The following ATG7 variants were observed in gnomAD, a reference collection of about 807,000 sequenced individuals.
The protein encoded by ATG7 is ubiquitin-like modifier-activating enzyme ATG7.
A neutral mutation model predicts 82.4 loss-of-function variants in ATG7; 70 were observed. The ratio of observed to expected loss-of-function variants is 0.85; its 90% CI spans 0.70 to 1.04. The LOEUF is 1.04. Ranked by LOEUF, ATG7 falls within the 50% of genes least tolerant of loss-of-function variation. The probability of loss-of-function intolerance (pLI) is 0.00; values close to 1 mark genes in which losing one functional copy is unlikely to be tolerated. For synonymous variants in ATG7, 287 were observed against 313.0 expected, an observed-to-expected ratio of 0.92 and a Z score of 0.88; for missense variants, 792 against 864.3, an observed-to-expected ratio of 0.92 and a Z score of 1.05.
At chr3:11,471,415 T>C (rs968930219) in intron 20 of ATG7, among the ~76,000 whole-genome samples, 1 of 152,218 alleles carries the variant, frequency 6.6e-6, no homozygotes, top group Admixed American at 6.5e-5. Context: ...AAAAAATATA[T>C]GACTTGGTCA....
intron 20 of ATG7, among the ~76,000 whole-genome samples, chr3:11,511,991 C>T (rs2092088539): frequency 6.6e-6 from 1 of 152,310 alleles, no homozygotes; most frequent in South Asian, 2.1e-4. Flanking sequence ...CCACACCTCC[C>T]TGCAAGCTGA....
intron 9 of ATG7, 146 bp from the exon 10 acceptor site, chr3:11,331,194 T>C (rs1951592378): frequency 1.5e-6 from 1 of 682,624 alleles, no homozygotes; most frequent in Non-Finnish European, 2.6e-6. Context: ...TGTGGCTTTC[T>C]TCTCCTCCCC....
At chr3:11,431,012 TGAG>T (rs2152951724) in intron 20 of ATG7, among the ~76,000 whole-genome samples, 1 of 152,354 alleles carries the variant, frequency 6.6e-6, no homozygotes, top group Non-Finnish European at 1.5e-5. Context: ...CTCAAAATCA[TGAG>T]TAGTGTGATG....
intron 20 of ATG7, among the ~76,000 whole-genome samples, chr3:11,543,276 T>A (rs2070988605): frequency 6.6e-6 from 1 of 152,164 alleles, no homozygotes; most frequent in Non-Finnish European, 1.5e-5. Context: ...CCCGGAGCAG[T>A]GGGTGTCATG....
chr3:11,549,750 A>C (rs922197050), intron 20 of ATG7, among the ~76,000 whole-genome samples: 3 of 152,168 alleles, frequency 2.0e-5, no homozygotes, highest in African/African-American at 7.2e-5. Flanking sequence ...TTTGGAGTAA[A>C]CAGGAGTGGA....
intron 3 of ATG7, among the ~76,000 whole-genome samples, chr3:11,294,017 CAA>C (rs148344958): frequency 5.3e-4 from 52 of 98,412 alleles, no homozygotes; most frequent in African/African-American, 6.3e-4. Flanking sequence ...GACTCCGTCT[CAA>C]AAAAAAAAAA....
intron 20 of ATG7, among the ~76,000 whole-genome samples, chr3:11,545,569 C>T (rs1407113689): frequency 6.6e-6 from 1 of 152,212 alleles, no homozygotes; most frequent in Non-Finnish European, 1.5e-5. Flanking sequence ...TGACCTAGGA[C>T]TTCACGGACC....
intron 11 of ATG7, among the ~76,000 whole-genome samples, chr3:11,339,564 A>G (rs548738971): frequency 6.6e-6 from 1 of 152,316 alleles, no homozygotes; most frequent in African/African-American, 2.4e-5. Flanking sequence ...TAGGGAGCGC[A>G]AGAGAGTGGG....
intron 19 of ATG7, among the ~76,000 whole-genome samples, chr3:11,425,977 A>G (rs886348719): frequency 6.6e-6 from 1 of 152,188 alleles, no homozygotes; most frequent in African/African-American, 2.4e-5. Flanking sequence ...ATAGTATTCC[A>G]TTGCATGACT....
chr3:11,538,689 A>T (rs1420472652), intron 20 of ATG7, among the ~76,000 whole-genome samples: 3 of 140,898 alleles, frequency 2.1e-5, no homozygotes, highest in Admixed American at 7.6e-5. Context: ...AAAAAAAAAA[A>T]AAAAAAAAAA....
At chr3:11,445,765 G>T (rs765925451) in intron 20 of ATG7, among the ~76,000 whole-genome samples, 4 of 152,138 alleles carry the variant, frequency 2.6e-5, no homozygotes, top group Non-Finnish European at 4.4e-5. Context: ...ATGAATACCA[G>T]TAGTATATGG....
At chr3:11,547,527 C>A (rs540050200) in intron 20 of ATG7, among the ~76,000 whole-genome samples, 1 of 152,212 alleles carries the variant, frequency 6.6e-6, no homozygotes, top group South Asian at 2.1e-4. Context: ...TTCTCTTGGG[C>A]AGTTACCTAG....
chr3:11,303,525 C>T (rs1164457029), intron 5 of ATG7, among the ~76,000 whole-genome samples: 1 of 151,306 alleles, frequency 6.6e-6, no homozygotes, highest in Non-Finnish European at 1.5e-5. Context: ...AAAAATTAGC[C>T]GGGCGTGGTG....
intron 18 of ATG7, among the ~76,000 whole-genome samples, chr3:11,370,533 A>G (rs1237424649): frequency 6.6e-6 from 1 of 151,174 alleles, no homozygotes; most frequent in Non-Finnish European, 1.5e-5. Flanking sequence ...TCCAAGCTTT[A>G]GAAATATTGC....
At chr3:11,510,488 T>C (rs867187886) in intron 20 of ATG7, 78 of 355,432 alleles carry the variant, frequency 2.2e-4, no homozygotes, top group African/African-American at 1.5e-3. Flanking sequence ...GATGCTGCCT[T>C]GTCTGGTCAG....
intron 19 of ATG7, among the ~76,000 whole-genome samples, chr3:11,408,345 A>G (rs754377460): frequency 1.3e-5 from 2 of 152,186 alleles, no homozygotes; most frequent in East Asian, 1.9e-4. Flanking sequence ...TGTCAAAGCC[A>G]TTCAGCAAGT....
At chr3:11,451,922 T>C (rs908769805) in intron 20 of ATG7, among the ~76,000 whole-genome samples, 2 of 150,744 alleles carry the variant, frequency 1.3e-5, no homozygotes, top group Non-Finnish European at 3.0e-5. Flanking sequence ...CACACACATA[T>C]ACATATCTCT....
At chr3:11,568,862 G>T in the ATG7 span, 2 of 1,372,434 alleles carry the variant, frequency 1.5e-6, no homozygotes, top group East Asian at 5.8e-5. The surrounding 1 kb of genome is among the most constrained non-coding windows in gnomAD (Gnocchi z 5.9). Flanking sequence ...GCCTATCAGA[G>T]CCGCTGAGGC....
At chr3:11,425,334 G>A (rs185609978) in intron 19 of ATG7, among the ~76,000 whole-genome samples, 18 of 152,224 alleles carry the variant, frequency 1.2e-4, no homozygotes, top group African/African-American at 3.1e-4. Flanking sequence ...TCATTATGAA[G>A]TCTTAAAAGT....
Sources: allele counts gnomAD v4.1 joint callset (sites outside exome capture counted in the v4.1 genomes callset), GRCh38; gene constraint gnomAD v4.1.1; non-coding constraint Gnocchi (gnomAD v3.1); transcripts MANE v1.5; gene names NCBI Gene and HGNC (gene_info 2026-07-23, HGNC 2026-07-21).